The following PARD3 variants were observed in gnomAD, a reference collection of about 807,000 sequenced individuals.
PARD3 encodes par-3 family cell polarity regulator.
A neutral mutation model predicts 155.4 loss-of-function variants in PARD3; 75 were observed. The ratio of observed to expected loss-of-function variants is 0.48; its 90% CI spans 0.40 to 0.58. PARD3 has a LOEUF of 0.58. PARD3 is among the 20% of genes least tolerant of loss of function. PARD3 has a pLI of 0.00. For missense variants in PARD3, 1,642 were observed against 1,721.7 expected, an observed-to-expected ratio of 0.95 and a Z score of 0.82; for synonymous variants, 576 against 610.5, an observed-to-expected ratio of 0.94 and a Z score of 0.83.
chr10:34,158,270 T>G (rs1358700466), intron 22 of PARD3, among the ~76,000 whole-genome samples: 1 of 152,122 alleles, frequency 6.6e-6, no homozygotes, highest in Non-Finnish European at 1.5e-5. Context: ...AAAGACAAAT[T>G]AGAGTCACCA....
At chr10:34,225,349 CTTTT>C (rs572767003) in intron 22 of PARD3, among the ~76,000 whole-genome samples, 1 of 141,926 alleles carries the variant, frequency 7.0e-6, no homozygotes. Context: ...TTTTTTTTCT[CTTTT>C]TTTTTTTTTA....
chr10:34,707,963 T>C (rs2094391669), intron 1 of PARD3, among the ~76,000 whole-genome samples: 4 of 152,162 alleles, frequency 2.6e-5, no homozygotes, highest in African/African-American at 9.6e-5. Flanking sequence ...AGAATACCCA[T>C]TTGGGAATTA....
At chr10:34,132,913 GAGA>G (rs889144926) in intron 22 of PARD3, among the ~76,000 whole-genome samples, 13 of 152,096 alleles carry the variant, frequency 8.5e-5, no homozygotes, top group African/African-American at 2.9e-4. Context: ...GAAGGGAGAC[GAGA>G]AGGAGCATCT....
intron 22 of PARD3, among the ~76,000 whole-genome samples, chr10:34,239,656 A>T (rs1047253531): frequency 1.3e-5 from 2 of 152,066 alleles, no homozygotes; most frequent in African/African-American, 4.8e-5. Context: ...ACAAAAAAGT[A>T]GCCGGGCATG....
chr10:34,559,141 C>T (rs901682439), intron 2 of PARD3, among the ~76,000 whole-genome samples: 2 of 152,038 alleles, frequency 1.3e-5, no homozygotes, highest in Non-Finnish European at 2.9e-5. Context: ...CCACAAGTCT[C>T]TAACTTAGGC....
At chr10:34,791,439 G>A (rs1032696813) in intron 1 of PARD3, among the ~76,000 whole-genome samples, 1 of 152,194 alleles carries the variant, frequency 6.6e-6, no homozygotes, top group Non-Finnish European at 1.5e-5. Context: ...CCAGGAAGCC[G>A]GCTCGAAGCC....
At chr10:34,563,301 AAAG>A (rs1489288319) in intron 2 of PARD3, among the ~76,000 whole-genome samples, 1 of 152,166 alleles carries the variant, frequency 6.6e-6, no homozygotes, top group African/African-American at 2.4e-5. Flanking sequence ...CACAGGCTGA[AAAG>A]AAGTATGTAC....
intron 5 of PARD3, among the ~76,000 whole-genome samples, chr10:34,439,077 T>C (rs994592221): frequency 2.0e-5 from 3 of 152,044 alleles, no homozygotes; most frequent in Non-Finnish European, 2.9e-5. Flanking sequence ...AGACAGGAGA[T>C]TAATACAAAA....
chr10:34,447,453 C>T (rs1017517401), intron 5 of PARD3, among the ~76,000 whole-genome samples: 34 of 127,414 alleles, frequency 2.7e-4, no homozygotes, highest in African/African-American at 8.4e-4. Context: ...TGCACTCTAG[C>T]CTGGGCAACA....
chr10:34,405,911 A>G (rs770118281), intron 5 of PARD3, among the ~76,000 whole-genome samples: 1 of 152,200 alleles, frequency 6.6e-6, no homozygotes, highest in Non-Finnish European at 1.5e-5. Context: ...CTGCTGTCAG[A>G]GGAGATCTTA....
chr10:34,711,377 TG>T (rs962331870), intron 1 of PARD3, among the ~76,000 whole-genome samples: 4 of 151,846 alleles, frequency 2.6e-5, no homozygotes, highest in African/African-American at 9.7e-5. Context: ...AAAAGCTAGC[TG>T]GGCGTGGTGA....
chr10:34,413,745 G>A (rs1173401678), intron 5 of PARD3, among the ~76,000 whole-genome samples: 3 of 151,744 alleles, frequency 2.0e-5, no homozygotes, highest in African/African-American at 7.3e-5. Flanking sequence ...CTATATATGA[G>A]GATTTTTTAA....
chr10:34,762,374 GACTC>G (rs1837567020), intron 1 of PARD3, among the ~76,000 whole-genome samples: 1 of 151,016 alleles, frequency 6.6e-6, no homozygotes, highest in African/African-American at 2.4e-5. Flanking sequence ...ACTCACTGCA[GACTC>G]AACCTCCCAG....
chr10:34,742,293 G>C (rs1010052568), intron 1 of PARD3, among the ~76,000 whole-genome samples: 1 of 152,106 alleles, frequency 6.6e-6, no homozygotes, highest in African/African-American at 2.4e-5. Flanking sequence ...TGTAAGGGGG[G>C]GACCAAAATC....
Position 34,701,461 on chromosome 10 carries a change from G to C in PARD3, c.121-5042C>G, listed in dbSNP as rs186399451. 4.4e-4 allele frequency among the ~76,000 whole-genome samples: 67 copies of C among 152,174 alleles called. 1 individual carries two copies. In the East Asian group the frequency reaches 5.6e-3, roughly 13 times the overall value. ...TGGAAGCTGAGAAGCAGATGGCCCAGAGGCGACACATTTTGCAGAACCAAG... is the reference window on the plus strand; with the variant it reads ...TGGAAGCTGAGAAGCAGATGGCCCACAGGCGACACATTTTGCAGAACCAAG... On this transcript the variant is annotated intron_variant, in intron 1 of 24. Coordinates refer to ENST00000374788, the MANE Select transcript of PARD3 (RefSeq NM_001184785.2).
chr10:34,377,780 A>T (rs548357557), intron 10 of PARD3, among the ~76,000 whole-genome samples, 187 bp downstream of exon 10: 26 of 152,150 alleles, frequency 1.7e-4, no homozygotes, highest in Admixed American at 2.6e-4. Context: ...TTTAACAATT[A>T]AAAAAATATA....
chr10:34,213,215 G>T lies in PARD3; in HGVS notation c.3419+56442C>A, dbSNP rs117760249. ...CAACTCATGGCAGAAAGTGAAAGGG[G>T]GGTGGGTGTGTGCAAAGAGACCACA... On this transcript the variant is annotated intron_variant, in intron 22 of 24. Transcript: ENST00000374788. 1.0e-3 allele frequency among the ~76,000 whole-genome samples: 155 copies of T among 152,240 alleles called. 2 individuals carry two copies. In the East Asian group the frequency reaches 0.025, roughly 25 times the overall value.
At chr10:34,157,768 C>CACATAAAAA (rs1178629260) in intron 22 of PARD3, among the ~76,000 whole-genome samples, 31 of 152,194 alleles carry the variant, frequency 2.0e-4, no homozygotes, top group African/African-American at 5.5e-4. Context: ...TTTCATGGTT[C>CACATAAAAA]TGATACACAT....
At chr10:34,391,756 A>C (rs1289605961) in intron 7 of PARD3, among the ~76,000 whole-genome samples, 1 of 152,256 alleles carries the variant, frequency 6.6e-6, no homozygotes, top group Non-Finnish European at 1.5e-5. Flanking sequence ...CCTTCTAATT[A>C]ATCTATATTC....
Sources: allele counts gnomAD v4.1 joint callset (sites outside exome capture counted in the v4.1 genomes callset), GRCh38; gene constraint gnomAD v4.1.1; transcripts MANE v1.5; gene names NCBI Gene and HGNC (gene_info 2026-07-23, HGNC 2026-07-21).